RSRP1: variants seen among roughly 807,000 people sequenced by gnomAD.
RSRP1 encodes the protein arginine and serine rich protein 1, also known as arginine/serine-rich protein 1.
A neutral mutation model predicts 33.0 loss-of-function variants in RSRP1; 37 were observed. The ratio of observed to expected loss-of-function variants is 1.12; its 90% CI spans 0.86 to 1.48. The LOEUF (loss-of-function observed/expected upper bound fraction) is 1.48. RSRP1 is among the 40% of genes most tolerant of loss of function. The pLI is 0.00. For missense variants in RSRP1, 402 were observed against 385.3 expected (o/e 1.04, Z -0.36); for synonymous variants, 167 against 158.7 (o/e 1.05, Z -0.40).
Position 25,279,210 on chromosome 1 carries a change from G to A in RSRP1, c.-66-32181C>T, listed in dbSNP as rs536482978. Among the ~76,000 whole-genome samples the A allele has an allele frequency of 3.2e-5, 4 of 126,010 alleles. 1 individual carries two copies. In the South Asian group the frequency reaches 7.4e-4, roughly 23 times the overall value. The allele number at this position is 126,010 out of a possible 152,430, so 82.7% of individuals were successfully genotyped here. Reference sequence around the variant, plus strand: ...GAGCAGTCTTGCCTAAAGTCACACCGCTAATCAGCGGCCGGCACGGGGTAA... The same window carrying A: ...GAGCAGTCTTGCCTAAAGTCACACCACTAATCAGCGGCCGGCACGGGGTAA... On this transcript the variant is annotated intron_variant, in intron 1 of 1. Transcript: ENST00000561867.
rs1644721484 is a variant in RSRP1 at position 25,321,748 on chromosome 1, C to A, written c.-67+16230G>T. 2.7e-5 allele frequency: 11 copies of A among 414,914 alleles called. 2 individuals carry two copies. The highest frequency in any genetic ancestry group is 4.1e-5 in the Non-Finnish European group (8 of 195,552). The allele number at this position is 414,914 out of a possible 1,614,324, so 25.7% of individuals were successfully genotyped here. On this transcript the variant is annotated intron_variant, in intron 1 of 1. Coordinates refer to the RSRP1 transcript ENST00000561867. ...AGCTGGTCCAGGAATGACAGGGCTT[C>A]CATTTATTTGTCTTTCAATTGTGGG...
chr1:25,246,893 G>C lies in RSRP1; in HGVS notation c.71C>G (p.Ser24Trp), dbSNP rs1249866259. 1 of 1,605,716 alleles carries C rather than the reference G, an allele frequency of 6.2e-7. No individual in the cohort carries two copies. Among genetic ancestry groups the C allele is most frequent in the African/African-American group, 1.3e-5 (1 of 74,750 alleles). ...QEKDSPSTSR[S>W]GGSSRLSSRS... ...CGACGACAGCCGGCTGGACCCGCCC[G>C]ACCGCGAGGTCGAGGGCGAATCCTT... is the stretch of plus-strand genomic sequence containing the variant. The change falls in exon 2 of 5, where the codon TCG becomes TGG. Residue 24 changes from serine to tryptophan, a missense_variant. Ser to Trp is a radical substitution (Grantham distance 177). Coordinates refer to ENST00000243189, the MANE Select transcript of RSRP1 (RefSeq NM_020317.5).
chr1:25,282,337 C>T (rs1641558761), intron 1 of RSRP1, among the ~76,000 whole-genome samples: 1 of 131,128 alleles, frequency 7.6e-6, no homozygotes, highest in Non-Finnish European at 1.8e-5. Flanking sequence ...CGGGTTCAAG[C>T]GATTCTCCTG....
rs1419957270 is a variant in RSRP1, at chr1:25,273,895, A to G, written c.-66-26866T>C. Among the ~76,000 whole-genome samples, 4 of 129,674 alleles carry G rather than the reference A, an allele frequency of 3.1e-5. No homozygotes were observed. The East Asian group carries it at 7.9e-4, about 25-fold the overall frequency. The allele number at this position is 129,674 out of a possible 152,430, so 85.1% of individuals were successfully genotyped here. On this transcript the variant is annotated intron_variant, in intron 1 of 1. Transcript: ENST00000561867. ...GAGAAGTCATCCTGGGGGCCATGGC[A>G]GTGACAAGTAGGACTTAGGGAGGGA...
In RSRP1 at chr1:25,269,754, A is replaced by G; in HGVS notation, c.-66-22725T>C. Among the ~76,000 whole-genome samples the G allele has an allele frequency of 1.5e-5, 2 of 132,374 alleles. 1 individual carries two copies. The allele number at this position is 132,374 out of a possible 152,430, so 86.8% of individuals were successfully genotyped here. A position where few individuals can be genotyped will look rare whatever the true frequency, so the allele number is the denominator to read the frequency against. On this transcript the variant is annotated intron_variant, in intron 1 of 1. Transcript: ENST00000561867. ...TTGACAAATCTGTTGGGAGAGGCCA[A>G]CTGCAGGGATACCTCCCTTTTTTAA...
rs1377865154 is a variant in RSRP1 at position 25,303,567 on chromosome 1, G to C, written c.-67+34411C>G. 3 of 1,139,110 alleles carry C rather than the reference G, an allele frequency of 2.6e-6. 1 individual carries two copies. The highest frequency in any genetic ancestry group is 2.5e-5 in the South Asian group (2 of 78,648). 70.6% of individuals were successfully genotyped at this position (1,139,110 alleles called of 1,614,324 possible). A position where few individuals can be genotyped will look rare whatever the true frequency, so the allele number is the denominator to read the frequency against. ...ACAGCTGCATTAGGCAGGTGTCGGC[G>C]CATTCTCTTATTGGCTTCAACGCCT... is the stretch of plus-strand genomic sequence containing the variant. On this transcript the variant is annotated intron_variant, in intron 1 of 1. Coordinates refer to the RSRP1 transcript ENST00000561867.
At position 25,313,044 on chromosome 1, in the gene RSRP1, C is replaced by G. The variant is rs575292484; in HGVS notation, c.-67+24934G>C. ...GATGCTGTGGTTTGAATGCATCCCT[C>G]AAATTTCATGTGTTGGAAACTTAAT... On this transcript the variant is annotated intron_variant, in intron 1 of 1. Coordinates refer to the RSRP1 transcript ENST00000561867. 2.5e-5 allele frequency among the ~76,000 whole-genome samples: 3 copies of G among 121,270 alleles called. No individual in the cohort carries two copies. The South Asian group carries it at 8.2e-4, about 33-fold the overall frequency. The allele number at this position is 121,270 out of a possible 152,430, so 79.6% of individuals were successfully genotyped here. A position where few individuals can be genotyped will look rare whatever the true frequency, so the allele number is the denominator to read the frequency against.
At chr1:25,318,498 G>C (rs921363263) in intron 1 of RSRP1, among the ~76,000 whole-genome samples, 1 of 131,284 alleles carries the variant, frequency 7.6e-6, no homozygotes, top group Non-Finnish European at 1.8e-5. Context: ...TGAAGTAGGG[G>C]AATGGCTTGA....
rs1639480772 is a variant in RSRP1, at chr1:25,246,920, T to C, written c.44A>G (p.Glu15Gly). The C allele has an allele frequency of 1.9e-6, 3 of 1,594,704 alleles. No homozygotes were observed. The highest frequency in any genetic ancestry group is 1.7e-6 in the Non-Finnish European group (2 of 1,167,318). ...VNDMWPGSPQ[E>G]KDSPSTSRSG... ...CCGCGAGGTCGAGGGCGAATCCTTC[T>C]CCTGCGGCGAGCCCGGCCACATGTC... is the stretch of plus-strand genomic sequence containing the variant. Residue 15 changes from glutamate (E) to glycine (G), a missense_variant, in exon 2 of 5, where the codon GAG (glutamate) becomes GGG (glycine). By Grantham distance (98) the Glu-to-Gly change is moderately conservative (BLOSUM62 -2). Coordinates refer to ENST00000243189, the MANE Select transcript of RSRP1 (RefSeq NM_020317.5).
In RSRP1 at chr1:25,300,152, A is replaced by C. The variant is rs1173983538; in HGVS notation, c.-67+37826T>G. The stretch of plus-strand genomic sequence containing the variant: ...CCGCAGAGTTAAAATTCCGCTGAGA[A>C]GTAGGAATCAGTGAGGTGCGTGTCC... On this transcript the variant is annotated intron_variant, in intron 1 of 1. Transcript: ENST00000561867. Among the ~76,000 whole-genome samples, 2 of 131,580 alleles carry C rather than the reference A, an allele frequency of 1.5e-5. 1 individual carries two copies. Among genetic ancestry groups the C allele is most frequent in the Non-Finnish European group, 3.6e-5 (2 of 55,856 alleles). 86.3% of individuals were successfully genotyped at this position (131,580 alleles called of 152,430 possible). A position where few individuals can be genotyped will look rare whatever the true frequency, so the allele number is the denominator to read the frequency against.
rs1289384799 is a variant in RSRP1, at chr1:25,309,100, C to T, written c.-67+28878G>A. On this transcript the variant is annotated intron_variant, in intron 1 of 1. Transcript: ENST00000561867. ...GAACTGTGGATTAGCTACTTGGTGG[C>T]ATTGGGCAAGTCAGTTGACTTTGCA... is the stretch of plus-strand genomic sequence containing the variant. Among the ~76,000 whole-genome samples the T allele has an allele frequency of 3.0e-5, 4 of 131,598 alleles. 2 individuals carry two copies. The highest frequency in any genetic ancestry group is 7.2e-5 in the Non-Finnish European group (4 of 55,846). The allele number at this position is 131,598 out of a possible 152,430, so 86.3% of individuals were successfully genotyped here.
At chr1:25,287,871 T>C (rs184907690) in intron 1 of RSRP1, among the ~76,000 whole-genome samples, 2,794 of 122,148 alleles carry the variant, frequency 0.023, 434 homozygotes, top group African/African-American at 0.068. Context: ...TACAGGCGCC[T>C]GCTACCATGC....
intron 1 of RSRP1, among the ~76,000 whole-genome samples, chr1:25,283,393 C>T (rs1292874920): frequency 7.7e-6 from 1 of 130,646 alleles, no homozygotes; most frequent in Non-Finnish European, 1.8e-5. Flanking sequence ...TAGCCGGGCA[C>T]GGTGGCAGGC....
upstream of RSRP1, among the ~76,000 whole-genome samples, chr1:25,248,602 G>T (rs1238530755): frequency 1.3e-5 from 2 of 152,104 alleles, no homozygotes; most frequent in Non-Finnish European, 2.9e-5. Context: ...GAGCCACTTT[G>T]CCCAGCCTAT....
chr1:25,242,726 T>C (rs1638949886), intron 4 of RSRP1, 21 bp from the exon 5 acceptor site: 5 of 1,487,452 alleles, frequency 3.4e-6, no homozygotes, highest in Non-Finnish European at 4.6e-6. Context: ...ACAAATTCAG[T>C]CAGCTTCCCA....
intron 1 of RSRP1, among the ~76,000 whole-genome samples, chr1:25,263,929 C>A (rs910282351): frequency 6.6e-6 from 1 of 152,016 alleles, no homozygotes; most frequent in Admixed American, 6.6e-5. Context: ...GCTACAGGCC[C>A]ATGAGAGTCC....
In RSRP1 at chr1:25,312,593, TA is replaced by T. The variant is rs1186921935; in HGVS notation, c.-67+25384del. Among the ~76,000 whole-genome samples the T allele has an allele frequency of 1.6e-5, 2 of 127,714 alleles. 1 individual carries two copies. Among genetic ancestry groups the T allele is most frequent in the Non-Finnish European group, 3.7e-5 (2 of 54,092 alleles). 83.8% of individuals were successfully genotyped at this position (127,714 alleles called of 152,430 possible). On this transcript the variant is annotated intron_variant, in intron 1 of 1. Transcript: ENST00000561867. ...GACCTGTCTCTACAAAAAATAAAAA[TA>T]AAAAAATTAGCCAGGTATTGTGGCA...
At chr1:25,321,597 G>C (rs1644707642) in intron 1 of RSRP1, among the ~76,000 whole-genome samples, 1 of 126,182 alleles carries the variant, frequency 7.9e-6, no homozygotes, top group South Asian at 2.4e-4. Flanking sequence ...TTGAACCTGG[G>C]AGGCAGAGGC....
chr1:25,288,596 C>CTAA, intron 1 of RSRP1, among the ~76,000 whole-genome samples: 1 of 126,464 alleles, frequency 7.9e-6, no homozygotes, highest in South Asian at 2.4e-4. Context: ...TTGCCCTTAC[C>CTAA]GTGGCTCCAG....
Sources: allele counts gnomAD v4.1 joint callset (sites outside exome capture counted in the v4.1 genomes callset), GRCh38; gene constraint gnomAD v4.1.1; transcripts MANE v1.5; gene names NCBI Gene and HGNC (gene_info 2026-07-23, HGNC 2026-07-21).